SSH1: variants seen among roughly 807,000 people sequenced by gnomAD.
SSH1 encodes the protein slingshot protein phosphatase 1, also known as protein phosphatase Slingshot homolog 1.
In SSH1, 43 loss-of-function variants were observed where a neutral mutation model predicts 79.7. The observed-to-expected ratio is 0.54, with a 90% CI of 0.42 to 0.70. The LOEUF (loss-of-function observed/expected upper bound fraction) is 0.70, where lower values mean the gene tolerates loss of function less well. Ranked by LOEUF, SSH1 falls within the 30% of genes least tolerant of loss-of-function variation. The probability of loss-of-function intolerance (pLI) is 0.00; values close to 1 mark genes in which losing one functional copy is unlikely to be tolerated. For synonymous variants in SSH1, 599 were observed against 538.3 expected, an observed-to-expected ratio of 1.11 and a Z score of -1.56; for missense variants, 1,206 against 1,358.8, an observed-to-expected ratio of 0.89 and a Z score of 1.77.
rs990788025 is a variant in SSH1 at position 108,778,689 on chromosome 12, G to A, written c.*9299C>T. 2 of 152,776 alleles carry A rather than the reference G, an allele frequency of 1.3e-5. No individual in the cohort carries two copies. The highest frequency in any genetic ancestry group is 4.8e-5 in the African/African-American group (2 of 41,426). 9.5% of individuals were successfully genotyped at this position (152,776 alleles called of 1,614,324 possible). On this transcript the variant is annotated 3_prime_UTR_variant, in exon 15 of 15. Transcript: ENST00000326495. ...AATTCACCAATGACCCCATGAAGTA[G>A]GTAGCATTGTCAGTTTGTTCTGATC...
At chr12:108,837,854 C>A (rs116953653) in intron 2 of SSH1, among the ~76,000 whole-genome samples, 1 of 151,996 alleles carries the variant, frequency 6.6e-6, no homozygotes, top group Non-Finnish European at 1.5e-5. Flanking sequence ...CCACGGCTCA[C>A]GCAGCACAGC....
intron 2 of SSH1, among the ~76,000 whole-genome samples, chr12:108,825,739 G>A (rs1321335946): frequency 1.3e-5 from 2 of 152,166 alleles, no homozygotes; most frequent in East Asian, 3.8e-4. Flanking sequence ...TATAAATAAC[G>A]AAAGAAACGA....
chr12:108,823,953 C>G (rs1260603529), intron 2 of SSH1, among the ~76,000 whole-genome samples: 2 of 152,164 alleles, frequency 1.3e-5, no homozygotes, highest in Admixed American at 6.5e-5. Flanking sequence ...CAGGCGTGAC[C>G]ACGCCCAGCC....
chr12:108,836,014 TATATTAATATAATCGATTATATTA>T (rs555341872), intron 2 of SSH1, among the ~76,000 whole-genome samples: 1,051 of 66,080 alleles, frequency 0.016, 17 homozygotes, highest in Non-Finnish European at 0.023. Context: ...CGATTATAAC[TATATTAATATAATCGATTATATTA>T]ATATTAATAT....
chr12:108,792,759 C>A lies in SSH1; in HGVS notation c.1420G>T (p.Ala474Ser). The A allele has an allele frequency of 6.2e-7, 1 of 1,613,960 alleles. No homozygotes were observed. Reference protein sequence around the residue: ...SSLQQPVDDPAGPGDFLPETP... With the variant: ...SSLQQPVDDPSGPGDFLPETP... ...TCTGGCAAGAAGTCGCCAGGTCCTG[C>A]AGGGTCATCCACAGGCTGCTGGAGG... Residue 474 changes from alanine to serine, a missense_variant, in exon 14 of 15, where the codon GCA (alanine) becomes TCA (serine). Around this residue, in one of 5 missense-constraint regions of SSH1, gnomAD observed 166 missense variants for 262.9 expected, o/e 0.63. Transcript: ENST00000326495.
Position 108,788,987 on chromosome 12 carries a change from T to C in SSH1, c.2151A>G (p.Pro717=), listed in dbSNP as rs1565965381. The C allele has an allele frequency of 2.5e-6, 4 of 1,611,552 alleles. No homozygotes were observed. The highest frequency in any genetic ancestry group is 1.7e-5 in the Admixed American group (1 of 59,704). The part of the protein sequence containing the change: ...GPTEPPPFLP[P]AGSRRADTSG... ...TGGTGTCTGCCCTCCTGGAGCCTGC[T>C]GGTGGTAGGAACGGGGGAGGTTCGG... Residue 717 remains proline, a synonymous_variant, in exon 15 of 15, where the codon CCA becomes CCG. Coordinates refer to ENST00000326495, the MANE Select transcript of SSH1 (RefSeq NM_018984.4).
chr12:108,823,185 A>C, intron 3 of SSH1, 73 bp downstream of exon 3: 1 of 1,429,168 alleles, frequency 7.0e-7, no homozygotes, highest in Non-Finnish European at 9.7e-7. Flanking sequence ...CAGCAACATC[A>C]CCAACAATGG....
chr12:108,847,663 G>A (rs1343205222), intron 2 of SSH1, among the ~76,000 whole-genome samples: 1 of 152,086 alleles, frequency 6.6e-6, no homozygotes, highest in East Asian at 1.9e-4. Flanking sequence ...CACCATGTTG[G>A]CCAGGCTGGT....
Position 108,788,598 on chromosome 12 carries a change from G to A in SSH1, c.2540C>T (p.Pro847Leu). 2 of 1,606,306 alleles carry A rather than the reference G, an allele frequency of 1.2e-6. No homozygotes were observed. Among genetic ancestry groups the A allele is most frequent in the East Asian group, 2.2e-5 (1 of 44,672 alleles). ...ADPAPPSRDG[P>L]ASRLEASIPE... ...GATGCTGGCCTCCAGCCTGCTGGCAGGGCCATCCCTGGAGGGAGGTGCTGG... is the reference window on the plus strand; with the variant it reads ...GATGCTGGCCTCCAGCCTGCTGGCAAGGCCATCCCTGGAGGGAGGTGCTGG... Residue 847 changes from proline (P) to leucine (L), a missense_variant, in exon 15 of 15, where the codon CCT becomes CTT. Pro to Leu is a moderately conservative substitution (Grantham distance 98, BLOSUM62 -3). This residue lies in a region of SSH1 where 709 missense variants were observed against 730.6 expected (regional missense o/e 0.97). Coordinates refer to ENST00000326495, the MANE Select transcript of SSH1 (RefSeq NM_018984.4).
intron 14 of SSH1, 41 bp from the exon 15 acceptor site, chr12:108,789,285 C>A (rs1465456238): frequency 1.3e-6 from 2 of 1,562,614 alleles, no homozygotes; most frequent in Admixed American, 1.9e-5. Context: ...ACGGTGCAGT[C>A]ATGAGCCAAA....
chr12:108,788,183 G>C lies in SSH1; in HGVS notation c.2955C>G (p.Leu985=), dbSNP rs776967409. The change falls in exon 15 of 15, where the codon CTC becomes CTG. Residue 985 remains leucine (L), a synonymous_variant. Transcript: ENST00000326495. ...TGGACAGGTCTTCCGTTGAGAAGGTGAGACTCCCCAGCTTGGCAAGAGAGT... is the reference window on the plus strand; with the variant it reads ...TGGACAGGTCTTCCGTTGAGAAGGTCAGACTCCCCAGCTTGGCAAGAGAGT... ...RSHSLAKLGS[L]TFSTEDLSSE... The C allele has an allele frequency of 1.9e-5, 31 of 1,614,054 alleles. No individual in the cohort carries two copies. Among genetic ancestry groups the C allele is most frequent in the Non-Finnish European group, 2.5e-5 (30 of 1,180,032 alleles).
intron 5 of SSH1, among the ~76,000 whole-genome samples, chr12:108,813,316 C>CTG (rs904367026): frequency 1.3e-5 from 2 of 152,182 alleles, no homozygotes; most frequent in Non-Finnish European, 2.9e-5. Context: ...GGAGACCAGC[C>CTG]TGTTCCAAGA....
At chr12:108,852,031 G>A (rs1177809191) in intron 2 of SSH1, among the ~76,000 whole-genome samples, 1 of 152,016 alleles carries the variant, frequency 6.6e-6, no homozygotes, top group African/African-American at 2.4e-5. Flanking sequence ...AACACAGCAA[G>A]ACCTTGTCTC....
chr12:108,836,231 T>C (rs1248775870), intron 2 of SSH1, among the ~76,000 whole-genome samples: 1 of 152,058 alleles, frequency 6.6e-6, no homozygotes, highest in Non-Finnish European at 1.5e-5. Flanking sequence ...ACTCATAGTT[T>C]TCAACCTATT....
Position 108,785,057 on chromosome 12 carries a change from G to A in SSH1, c.*2931C>T, listed in dbSNP as rs1218692591. ...CAAACTTCCTTTTCACAGACAGCAT[G>A]AATTCGTCTTTGCCCAGGTGTCCCG... is the stretch of plus-strand genomic sequence containing the variant. On this transcript the variant is annotated 3_prime_UTR_variant, in exon 15 of 15. Coordinates refer to ENST00000326495, the MANE Select transcript of SSH1 (RefSeq NM_018984.4). 1 of 152,218 alleles carries A rather than the reference G, an allele frequency of 6.6e-6. No individual in the cohort carries two copies. Among genetic ancestry groups the A allele is most frequent in the Non-Finnish European group, 1.5e-5 (1 of 68,046 alleles). 9.4% of individuals were successfully genotyped at this position (152,218 alleles called of 1,614,324 possible). A position where few individuals can be genotyped will look rare whatever the true frequency, so the allele number is the denominator to read the frequency against.
At chr12:108,840,338 C>A (rs1244665021) in intron 2 of SSH1, among the ~76,000 whole-genome samples, 1 of 152,028 alleles carries the variant, frequency 6.6e-6, no homozygotes, top group African/African-American at 2.4e-5. Flanking sequence ...TCAAGACCAG[C>A]CTGGCCAACA....
chr12:108,782,120 C>A lies in SSH1; in HGVS notation c.*5868G>T. ...TGAACTCCAGCCTGAGCAAGAGAGCCAGACCCAGTCTCAAAAAAAAAAAAA... is the reference window on the plus strand; with the variant it reads ...TGAACTCCAGCCTGAGCAAGAGAGCAAGACCCAGTCTCAAAAAAAAAAAAA... On this transcript the variant is annotated 3_prime_UTR_variant, in exon 15 of 15. Coordinates refer to ENST00000326495, the MANE Select transcript of SSH1 (RefSeq NM_018984.4). The A allele has an allele frequency of 7.6e-6, 1 of 131,888 alleles. No individual in the cohort carries two copies. Among genetic ancestry groups the A allele is most frequent in the Non-Finnish European group, 1.6e-5 (1 of 63,662 alleles). 8.2% of individuals were successfully genotyped at this position (131,888 alleles called of 1,614,324 possible). A position where few individuals can be genotyped will look rare whatever the true frequency, so the allele number is the denominator to read the frequency against.
In SSH1 at chr12:108,857,450, G is replaced by A. The variant is rs1434849953; in HGVS notation, c.47C>T (p.Ser16Phe). Residue 16 changes from serine to phenylalanine, a missense_variant, in exon 1 of 15, where the codon TCC becomes TTC. Coordinates refer to ENST00000326495, the MANE Select transcript of SSH1 (RefSeq NM_018984.4). The surrounding 1 kb of genome is among the most constrained non-coding windows in gnomAD (Gnocchi z 4.7). ...CACCTCGCTGTTGCTGGCCGAGGAGGAGGCGGCGCTGGGCGTGGGCGAGCG... is the reference window on the plus strand; with the variant it reads ...CACCTCGCTGTTGCTGGCCGAGGAGAAGGCGGCGCTGGGCGTGGGCGAGCG... ...LQRSPTPSAASSSASNSELEA... is the reference protein window; with the variant it reads ...LQRSPTPSAAFSSASNSELEA... The A allele has an allele frequency of 2.7e-6, 3 of 1,115,944 alleles. No homozygotes were observed. The highest frequency in any genetic ancestry group is 2.0e-5 in the South Asian group (1 of 51,006). The allele number at this position is 1,115,944 out of a possible 1,614,324, so 69.1% of individuals were successfully genotyped here.
At chr12:108,834,788 G>A (rs2038558647) in intron 2 of SSH1, among the ~76,000 whole-genome samples, 1 of 152,188 alleles carries the variant, frequency 6.6e-6, no homozygotes, top group African/African-American at 2.4e-5. Context: ...GGATGTGAGG[G>A]CCAGGATGCA....
Sources: allele counts gnomAD v4.1 joint callset (sites outside exome capture counted in the v4.1 genomes callset), GRCh38; gene constraint gnomAD v4.1.1; regional missense constraint gnomAD v4.1.1; non-coding constraint Gnocchi (gnomAD v3.1); transcripts MANE v1.5; gene names NCBI Gene and HGNC (gene_info 2026-07-23, HGNC 2026-07-21).